The following PLD2 variants were observed in gnomAD, a reference collection of about 807,000 sequenced individuals.
PLD2 encodes the protein choline phosphatase 2.
A neutral mutation model predicts 119.8 loss-of-function variants in PLD2; 101 were observed. That is an observed-to-expected ratio of 0.84 (90% CI 0.72 to 0.99). PLD2 has a LOEUF of 0.99. Among genes scored for constraint, PLD2 ranks in the 50% least tolerant of loss-of-function variants. The pLI is 0.00. For synonymous variants in PLD2, 494 were observed against 482.8 expected (o/e 1.02, Z -0.30); for missense variants, 1,164 against 1,226.8 (o/e 0.95, Z 0.76).
Position 4,809,083 on chromosome 17 carries a change from A to G in PLD2, c.384-17A>G. 5.0e-6 allele frequency: 8 copies of G among 1,599,006 alleles called. No individual in the cohort carries two copies. The highest frequency in any genetic ancestry group is 6.9e-6 in the Non-Finnish European group (8 of 1,166,424). ...GCCTCCCAGCTCTTACCTGACCTTCATCCATCCTTTCCACAGATTTGCCGT... is the reference window on the plus strand; with the variant it reads ...GCCTCCCAGCTCTTACCTGACCTTCGTCCATCCTTTCCACAGATTTGCCGT... On this transcript the variant is annotated splice_polypyrimidine_tract_variant and intron_variant, in intron 4 of 24. Coordinates refer to ENST00000263088, the MANE Select transcript of PLD2 (RefSeq NM_002663.5).
rs1906006573 is a variant in PLD2, at chr17:4,807,699, A to C, written c.-1-73A>C. The C allele has an allele frequency of 1.2e-6, 1 of 806,974 alleles. No homozygotes were observed. Among genetic ancestry groups the C allele is most frequent in the African/African-American group, 1.7e-5 (1 of 58,700 alleles). The allele number at this position is 806,974 out of a possible 1,614,324, so 50.0% of individuals were successfully genotyped here. On this transcript the variant is annotated intron_variant, in intron 1 of 24. Transcript: ENST00000263088. This position sits in a 1 kb window ranked among gnomAD's most constrained non-coding sequence, Gnocchi z 5.4. The stretch of plus-strand genomic sequence containing the variant: ...GAGGAGGATCTGGAAGAGATGGAGG[A>C]CCTGCGGGAGTTAGGATGGGGGGCG...
intron 10 of PLD2, among the ~76,000 whole-genome samples, chr17:4,811,860 C>T (rs1322277415): frequency 2.6e-5 from 4 of 151,946 alleles, no homozygotes; most frequent in African/African-American, 4.8e-5. Context: ...TGTCACCAGG[C>T]GTGTAGTGCA....
Position 4,809,564 on chromosome 17 carries a change from C to A in PLD2, c.614+13C>A, listed in dbSNP as rs755205206. 5 of 1,604,750 alleles carry A rather than the reference C, an allele frequency of 3.1e-6. No homozygotes were observed. The highest frequency in any genetic ancestry group is 1.1e-5 in the South Asian group (1 of 90,328). ...GCCGCAAAGGACTGTGAGTGTCTGGCCCCCTTCACCCAGGCATCCGTAGAC... is the reference window on the plus strand; with the variant it reads ...GCCGCAAAGGACTGTGAGTGTCTGGACCCCTTCACCCAGGCATCCGTAGAC... On this transcript the variant is annotated intron_variant, in intron 7 of 24. Transcript: ENST00000263088.
chr17:4,819,444 A>G lies in PLD2; in HGVS notation c.2324A>G (p.Asn775Ser), dbSNP rs1907410016. The G allele has an allele frequency of 6.2e-7, 1 of 1,613,802 alleles. No homozygotes were observed. The highest frequency in any genetic ancestry group is 2.2e-5 in the East Asian group (1 of 44,868). The change falls in exon 23 of 25, where the codon AAT (asparagine) becomes AGT (serine). Residue 775 changes from asparagine to serine, a missense_variant. Transcript: ENST00000263088. This position sits in a 1 kb window ranked among gnomAD's most constrained non-coding sequence, Gnocchi z 4.2. ...TCCACCCCAGGTTCTGCAAACATCA[A>G]TGACCGGAGCTTGCTGGGGAAGCGG... ...RTVIIGSANI[N>S]DRSLLGKRDS...
At chr17:4,818,709 C>T in intron 20 of PLD2, 65 bp from the exon 21 acceptor site, 2 of 1,592,444 alleles carry the variant, frequency 1.3e-6, no homozygotes, top group South Asian at 1.1e-5. Flanking sequence ...AAAGAAGGGC[C>T]ACCTCTCCTG....
chr17:4,818,890 C>T (rs1191230574), intron 21 of PLD2, 67 bp downstream of exon 21: 1 of 1,550,678 alleles, frequency 6.4e-7, no homozygotes, highest in Non-Finnish European at 8.8e-7. Flanking sequence ...GCGCTGCAGG[C>T]CTGGGGGTGG....
At chr17:4,812,515 G>C (rs1324134536) in intron 10 of PLD2, among the ~76,000 whole-genome samples, 1 of 151,782 alleles carries the variant, frequency 6.6e-6, no homozygotes, top group African/African-American at 2.4e-5. Flanking sequence ...GGATGGTCTC[G>C]ATCTCCTGAC....
At chr17:4,811,958 A>C (rs1225211563) in intron 10 of PLD2, among the ~76,000 whole-genome samples, 1 of 149,174 alleles carries the variant, frequency 6.7e-6, no homozygotes, top group African/African-American at 2.5e-5. Flanking sequence ...GAGACTACAG[A>C]CACATGCCAC....
chr17:4,819,458 C>G lies in PLD2; in HGVS notation c.2338C>G (p.Leu780Val). Residue 780 changes from leucine (L) to valine (V), a missense_variant, in exon 23 of 25, where the codon CTG (leucine) becomes GTG (valine). Physicochemically the swap from Leu to Val is conservative, Grantham distance 32 (BLOSUM62 1). Transcript: ENST00000263088. The surrounding 1 kb of genome is among the most constrained non-coding windows in gnomAD (Gnocchi z 4.2). ...TGCAAACATCAATGACCGGAGCTTG[C>G]TGGGGAAGCGGGACAGTGAGCTGGC... ...GSANINDRSL[L>V]GKRDSELAVL... 6.2e-7 allele frequency: 1 copy of G among 1,613,902 alleles called. No homozygotes were observed. Among genetic ancestry groups the G allele is most frequent in the Non-Finnish European group, 8.5e-7 (1 of 1,179,920 alleles).
chr17:4,819,628 G>T lies in PLD2; in HGVS notation c.2462+46G>T, dbSNP rs371040803. On this transcript the variant is annotated intron_variant, in intron 23 of 24. Transcript: ENST00000263088. The surrounding 1 kb of genome is among the most constrained non-coding windows in gnomAD (Gnocchi z 4.2). ...CACAGGGTGGGAGGGAGATGGGGGC[G>T]TCTGCCTTTTGAGCAGGACAAGAGG... is the stretch of plus-strand genomic sequence containing the variant. The T allele has an allele frequency of 6.4e-7, 1 of 1,554,564 alleles. No homozygotes were observed. Among genetic ancestry groups the T allele is most frequent in the Admixed American group, 1.8e-5 (1 of 56,332 alleles).
rs754281395 is a variant in PLD2, at chr17:4,807,792, G to A, written c.20G>A (p.Ser7Asn). The change falls in exon 2 of 25, where the codon AGC becomes AAC. Residue 7 changes from serine (S) to asparagine (N), a missense_variant. Coordinates refer to ENST00000263088, the MANE Select transcript of PLD2 (RefSeq NM_002663.5). This position sits in a 1 kb window ranked among gnomAD's most constrained non-coding sequence, Gnocchi z 5.4. MTATPE[S>N]LFPTGDELDS... is the part of the protein sequence containing the mutation. ...CCTAGGATGACGGCGACCCCTGAGA[G>A]CCTCTTCCCCACTGGGGACGAACTG... 5 of 1,607,812 alleles carry A rather than the reference G, an allele frequency of 3.1e-6. No homozygotes were observed. In the African/African-American group the frequency reaches 6.7e-5, roughly 21 times the overall value.
rs765686324 is a variant in PLD2 at position 4,807,897 on chromosome 17, G to A, written c.109+16G>A. On this transcript the variant is annotated intron_variant, in intron 2 of 24. Transcript: ENST00000263088. This position sits in a 1 kb window ranked among gnomAD's most constrained non-coding sequence, Gnocchi z 5.4. ...GAGGACCCAGGTACACAGGGAAGAT[G>A]GATGGCCCTCAGGGAGGAGAGGCGT... 2.5e-6 allele frequency: 4 copies of A among 1,610,932 alleles called. No homozygotes were observed. The Admixed American group carries it at 6.7e-5, about 27-fold the overall frequency.
chr17:4,814,255 G>A, intron 10 of PLD2, 163 bp from the exon 11 acceptor site: 1 of 1,089,264 alleles, frequency 9.2e-7, no homozygotes, highest in Non-Finnish European at 1.3e-6. Context: ...AGCGCATATG[G>A]GCAAACACTA....
rs369926554 is a variant in PLD2 at position 4,809,257 on chromosome 17, C to T, written c.490-41C>T. On this transcript the variant is annotated intron_variant, in intron 5 of 24. Transcript: ENST00000263088. ...GAAGGCATTGGAGGTGCAAATGGCT[C>T]GGTCCCATCTGTCTCTCTCTCTCTC... The T allele has an allele frequency of 4.2e-5, 68 of 1,610,102 alleles. 1 individual carries two copies. The South Asian group carries it at 6.5e-4, about 15-fold the overall frequency.
Position 4,819,870 on chromosome 17 carries a change from C to T in PLD2, c.2462+288C>T, listed in dbSNP as rs1247234460. Among the ~76,000 whole-genome samples, 3 of 152,052 alleles carry T rather than the reference C, an allele frequency of 2.0e-5. No individual in the cohort carries two copies. Among genetic ancestry groups the T allele is most frequent in the Admixed American group, 6.6e-5 (1 of 15,264 alleles). On this transcript the variant is annotated intron_variant, in intron 23 of 24. Transcript: ENST00000263088. This position sits in a 1 kb window ranked among gnomAD's most constrained non-coding sequence, Gnocchi z 4.2. ...AAAATCAGCTGGGTGTGGTGGCGGG[C>T]GCCTGTGATCCCAGCTACTAGGACT...
chr17:4,810,302 G>A (rs1906326523), intron 9 of PLD2, among the ~76,000 whole-genome samples: 1 of 152,182 alleles, frequency 6.6e-6, no homozygotes, highest in African/African-American at 2.4e-5. Flanking sequence ...AAACCCGAGT[G>A]CCTGGTACAA....
At position 4,818,823 on chromosome 17, in the gene PLD2, A is replaced by G; in HGVS notation, c.2173A>G (p.Met725Val). The G allele has an allele frequency of 1.2e-6, 2 of 1,614,058 alleles. No homozygotes were observed. Among genetic ancestry groups the G allele is most frequent in the Non-Finnish European group, 8.5e-7 (1 of 1,179,974 alleles). ...YSILHRLKAA[M>V]GTAWRDYISI... ...AATCCTGCATCGCCTTAAAGCAGCC[A>G]GTGAGTGCTGGGGGCTGGGGGCTCA... The change falls in exon 21 of 25, where the codon ATG becomes GTG. Residue 725 changes from methionine to valine, a missense_variant and splice_region_variant. Coordinates refer to ENST00000263088, the MANE Select transcript of PLD2 (RefSeq NM_002663.5).
rs386352350 is a variant in PLD2, at chr17:4,817,011, C to T, written c.1657C>T (p.Arg553Trp). ...VGVVVHGLPARDLARHFIQRW... is the reference protein window; with the variant it reads ...VGVVVHGLPAWDLARHFIQRW... ...GGTGGTCGTCCATGGCCTACCGGCC[C>T]GGGACCTTGCCCGGCACTTCATCCA... The change falls in exon 16 of 25, where the codon CGG becomes TGG. Residue 553 changes from arginine (R) to tryptophan (W), a missense_variant. By Grantham distance (101) the Arg-to-Trp change is moderately radical. Transcript: ENST00000263088. 16 of 1,613,828 alleles carry T rather than the reference C, an allele frequency of 9.9e-6. No individual in the cohort carries two copies. Among genetic ancestry groups the T allele is most frequent in the Non-Finnish European group, 1.2e-5 (14 of 1,179,896 alleles).
In PLD2 at chr17:4,808,232, G is replaced by GA; in HGVS notation, c.241-41dup. The GA allele has an allele frequency of 6.2e-7, 1 of 1,605,742 alleles. No homozygotes were observed. Among genetic ancestry groups the GA allele is most frequent in the Non-Finnish European group, 8.5e-7 (1 of 1,174,074 alleles). On this transcript the variant is annotated intron_variant, in intron 3 of 24. Coordinates refer to ENST00000263088, the MANE Select transcript of PLD2 (RefSeq NM_002663.5). This position sits in a 1 kb window ranked among gnomAD's most constrained non-coding sequence, Gnocchi z 4.1. ...GGGCTGGCCAGAGTGGGGAGGCGGG[G>GA]ACCCACGCAGGGGACATCCATTCAG...
Sources: gnomAD v4.1 joint callset for allele counts (sites outside exome capture counted in the v4.1 genomes callset) on GRCh38, gnomAD v4.1.1 for gene constraint, Gnocchi (gnomAD v3.1) non-coding constraint, MANE v1.5 for transcripts, NCBI Gene and HGNC (gene_info 2026-07-23, HGNC 2026-07-21) for gene names.